SPAG16: variants seen among roughly 807,000 people sequenced by gnomAD.
SPAG16 encodes sperm associated antigen 16.
SPAG16 carries 86 observed loss-of-function variants against 80.4 expected under a neutral mutation model. The ratio of observed to expected loss-of-function variants is 1.07; its 90% CI spans 0.90 to 1.28. The LOEUF (loss-of-function observed/expected upper bound fraction) is 1.28, where lower values mean the gene tolerates loss of function less well. Among genes scored for constraint, SPAG16 ranks in the 50% most tolerant of loss-of-function variants. The pLI, the probability that SPAG16 is intolerant of heterozygous loss-of-function variation, is 0.00. For missense variants in SPAG16, 870 were observed against 765.3 expected (o/e 1.14, Z -1.61); for synonymous variants, 294 against 265.9 (o/e 1.11, Z -1.03).
At chr2:213,567,366 A>G (rs1443404819) in intron 10 of SPAG16, among the ~76,000 whole-genome samples, 6 of 102,146 alleles carry the variant, frequency 5.9e-5, no homozygotes, top group Non-Finnish European at 9.7e-5. Flanking sequence ...ATATCTCCCA[A>G]TGCTATCCCT....
chr2:213,676,199 A>G (rs1227869465), intron 10 of SPAG16, among the ~76,000 whole-genome samples: 5 of 152,166 alleles, frequency 3.3e-5, no homozygotes, highest in East Asian at 1.9e-4. Flanking sequence ...TTATTGGTGT[A>G]TAAGAATGCT....
intron 10 of SPAG16, among the ~76,000 whole-genome samples, chr2:213,831,748 A>G (rs983282221): frequency 9.2e-5 from 14 of 151,924 alleles, no homozygotes; most frequent in Admixed American, 1.3e-4. Context: ...CCTGTTTGGT[A>G]TTGTAATCAT....
chr2:213,309,710 G>A (rs1575150397), intron 3 of SPAG16, among the ~76,000 whole-genome samples: 1 of 151,998 alleles, frequency 6.6e-6, no homozygotes, highest in Non-Finnish European at 1.5e-5. Context: ...TAAATACGTA[G>A]CAACCCAGCT....
chr2:213,966,844 A>C (rs2044734420), intron 12 of SPAG16, among the ~76,000 whole-genome samples: 1 of 152,150 alleles, frequency 6.6e-6, no homozygotes, highest in Admixed American at 6.5e-5. Context: ...TTGATACAGT[A>C]TGTGATCTAC....
Position 213,284,561 on chromosome 2 carries a change from C to CGGGGACGCG in SPAG16, c.79_87dup (p.Gly27_Ala29dup), listed in dbSNP as rs754274097. The CGGGGACGCG allele has an allele frequency of 3.7e-6, 6 of 1,607,798 alleles. 1 individual carries two copies. In the South Asian group the frequency reaches 6.7e-5, roughly 18 times the overall value. On this transcript the variant is annotated inframe_insertion, in exon 1 of 16. Coordinates refer to ENST00000331683, the MANE Select transcript of SPAG16 (RefSeq NM_024532.5). ...CGTTGGGCATGGGTTTGACGGCAGC[C>CGGGGACGCG]GGGGACGCGAGGGACACGGCGGACG...
intron 10 of SPAG16, among the ~76,000 whole-genome samples, chr2:213,591,498 T>C (rs186694427): frequency 6.6e-6 from 1 of 152,306 alleles, no homozygotes; most frequent in Admixed American, 6.5e-5. Context: ...TTAATAACTA[T>C]TTGAAATCAT....
At chr2:213,579,854 A>G (rs2060246233) in intron 10 of SPAG16, among the ~76,000 whole-genome samples, 2 of 152,154 alleles carry the variant, frequency 1.3e-5, no homozygotes, top group Admixed American at 1.3e-4. Flanking sequence ...ATTAATCAAG[A>G]TGACATTGTG....
intron 15 of SPAG16, chr2:214,240,424 C>G (rs1689381058): frequency 6.6e-6 from 1 of 152,154 alleles, no homozygotes; most frequent in South Asian, 2.1e-4. Flanking sequence ...CAGGCTTTAT[C>G]ATTGTCTAGC....
chr2:214,003,746 T>G (rs1199546200), intron 12 of SPAG16, among the ~76,000 whole-genome samples: 1 of 152,218 alleles, frequency 6.6e-6, no homozygotes, highest in Non-Finnish European at 1.5e-5. Context: ...GATAATTTAT[T>G]TAATATATAT....
At chr2:214,185,547 G>A (rs2057440530) in intron 15 of SPAG16, among the ~76,000 whole-genome samples, 1 of 151,774 alleles carries the variant, frequency 6.6e-6, no homozygotes, top group Non-Finnish European at 1.5e-5. Flanking sequence ...AAGAAAACTA[G>A]AGAAATTACA....
chr2:214,105,519 G>A (rs906299177), intron 13 of SPAG16, among the ~76,000 whole-genome samples: 3 of 152,132 alleles, frequency 2.0e-5, no homozygotes, highest in African/African-American at 7.2e-5. Flanking sequence ...GCTATTAGGT[G>A]GCAGATCCAA....
chr2:213,759,456 A>C (rs1247053747), intron 10 of SPAG16, among the ~76,000 whole-genome samples: 1 of 152,152 alleles, frequency 6.6e-6, no homozygotes, highest in Non-Finnish European at 1.5e-5. Context: ...TGTATAATAC[A>C]TAAAGATATA....
chr2:214,297,738 T>C (rs535659679), intron 15 of SPAG16, among the ~76,000 whole-genome samples: 10 of 152,170 alleles, frequency 6.6e-5, no homozygotes, highest in African/African-American at 2.4e-4. Context: ...TTAGTTACTA[T>C]AGACTTACAG....
At chr2:213,331,560 GACT>G (rs1272005317) in intron 5 of SPAG16, among the ~76,000 whole-genome samples, 11 of 152,188 alleles carry the variant, frequency 7.2e-5, no homozygotes, top group African/African-American at 2.6e-4. Context: ...ACAAACATCA[GACT>G]TAATCTGCAC....
intron 15 of SPAG16, among the ~76,000 whole-genome samples, chr2:214,352,584 C>CTGAG (rs57102028): frequency 0.81 from 106,663 of 131,338 alleles, 41,403 homozygotes; most frequent in South Asian, 0.89. Flanking sequence ...GTATGTGTGA[C>CTGAG]TATCTCCTAA....
At chr2:213,981,516 A>G (rs1345084960) in intron 12 of SPAG16, among the ~76,000 whole-genome samples, 8 of 152,110 alleles carry the variant, frequency 5.3e-5, no homozygotes. Flanking sequence ...TATTTTAGAA[A>G]TATGTATTTC....
chr2:213,982,617 G>GAGTGTGTGTGTC (rs1348945873), intron 12 of SPAG16, among the ~76,000 whole-genome samples: 73 of 143,340 alleles, frequency 5.1e-4, no homozygotes, highest in African/African-American at 2.1e-3. Flanking sequence ...TCTGGTGTGT[G>GAGTGTGTGTGTC]TGTGTGTGTG....
At chr2:213,873,353 GC>G (rs2076023282) in intron 11 of SPAG16, among the ~76,000 whole-genome samples, 1 of 151,650 alleles carries the variant, frequency 6.6e-6, no homozygotes, top group African/African-American at 2.4e-5. Context: ...TGGTAATGAT[GC>G]CTTTATATAA....
intron 10 of SPAG16, among the ~76,000 whole-genome samples, chr2:213,519,450 A>T (rs1265626011): frequency 6.6e-6 from 1 of 152,042 alleles, no homozygotes; most frequent in African/African-American, 2.4e-5. Flanking sequence ...GTCTCATGAG[A>T]TCTAATGGTT....
Sources: allele counts gnomAD v4.1 joint callset (sites outside exome capture counted in the v4.1 genomes callset), GRCh38; gene constraint gnomAD v4.1.1; transcripts MANE v1.5; gene names NCBI Gene and HGNC (gene_info 2026-07-23, HGNC 2026-07-21).